The following CDH13 variants were observed in gnomAD, a reference collection of about 807,000 sequenced individuals.
The protein encoded by CDH13 is cadherin 13, also known as cadherin-13.
Under a neutral mutation model 63.8 loss-of-function variants are expected in CDH13, and 24 were observed. The ratio of observed to expected loss-of-function variants is 0.38; its 90% CI spans 0.27 to 0.53. The LOEUF (loss-of-function observed/expected upper bound fraction) is 0.53, where lower values mean the gene tolerates loss of function less well. Ranked by LOEUF, CDH13 falls within the 20% of genes least tolerant of loss-of-function variation. CDH13 has a pLI of 0.85. For synonymous variants in CDH13, 503 were observed against 355.3 expected (o/e 1.42, Z -4.67); for missense variants, 1,049 against 903.1 (o/e 1.16, Z -2.07).
At chr16:83,524,354 T>C (rs1159260349) in intron 7 of CDH13, among the ~76,000 whole-genome samples, 2 of 152,132 alleles carry the variant, frequency 1.3e-5, no homozygotes, top group Admixed American at 1.3e-4. Flanking sequence ...ATGGGTTCTT[T>C]ACAATTGTAG....
chr16:83,259,636 C>T lies in CDH13; in HGVS notation c.636+42139C>T, dbSNP rs557849469. 2.0e-5 allele frequency among the ~76,000 whole-genome samples: 3 copies of T among 152,270 alleles called. No individual in the cohort carries two copies. In the South Asian group the frequency reaches 6.2e-4, roughly 32 times the overall value. ...CAAAGTCAATAGAAGACTTCTCAGT[C>T]TCAAATTTTTTTTTATTTTATTATT... On this transcript the variant is annotated intron_variant, in intron 5 of 13. Coordinates refer to ENST00000567109, the MANE Select transcript of CDH13 (RefSeq NM_001257.5).
At chr16:83,471,521 G>T (rs138654770) in intron 6 of CDH13, among the ~76,000 whole-genome samples, 3 of 152,050 alleles carry the variant, frequency 2.0e-5, no homozygotes, top group Non-Finnish European at 2.9e-5. Context: ...TGATCCACCC[G>T]CCTCGGCCTC....
chr16:82,627,638 G>C (rs954884022), intron 1 of CDH13, among the ~76,000 whole-genome samples: 1 of 152,128 alleles, frequency 6.6e-6, no homozygotes, highest in Non-Finnish European at 1.5e-5. Context: ...ACTTCCCAGG[G>C]CGCCCGGGCC....
At chr16:83,726,549 C>G (rs1333216057) in intron 10 of CDH13, among the ~76,000 whole-genome samples, 2 of 152,174 alleles carry the variant, frequency 1.3e-5, no homozygotes, top group Non-Finnish European at 2.9e-5. Flanking sequence ...CAAAACATCA[C>G]TGTTGGCTGG....
chr16:83,529,649 T>C (rs1439331453), intron 7 of CDH13, among the ~76,000 whole-genome samples: 1 of 152,186 alleles, frequency 6.6e-6, no homozygotes, highest in African/African-American at 2.4e-5. Flanking sequence ...ACATGGATGA[T>C]CTGTACTACT....
chr16:82,874,403 C>G (rs1006362661), intron 2 of CDH13, among the ~76,000 whole-genome samples: 2 of 152,074 alleles, frequency 1.3e-5, no homozygotes, highest in Non-Finnish European at 2.9e-5. Context: ...CCCTCAACCC[C>G]TCTACTACTT....
At chr16:82,933,209 G>A (rs1289445281) in intron 2 of CDH13, among the ~76,000 whole-genome samples, 1 of 152,076 alleles carries the variant, frequency 6.6e-6, no homozygotes, top group African/African-American at 2.4e-5. Context: ...TTGATTCATG[G>A]TTTTGCATGG....
intron 3 of CDH13, among the ~76,000 whole-genome samples, chr16:83,098,429 T>C (rs1017110326): frequency 6.6e-6 from 1 of 152,208 alleles, no homozygotes; most frequent in Non-Finnish European, 1.5e-5. Context: ...TTTCCACATA[T>C]ACACCACTTT....
intron 7 of CDH13, among the ~76,000 whole-genome samples, chr16:83,492,170 T>C (rs562125396): frequency 9.3e-5 from 14 of 151,056 alleles, no homozygotes; most frequent in African/African-American, 3.2e-4. Context: ...TCTGTGAAAA[T>C]GATGATATCA....
intron 2 of CDH13, among the ~76,000 whole-genome samples, chr16:83,016,686 A>G (rs1914831517): frequency 6.6e-6 from 1 of 152,046 alleles, no homozygotes; most frequent in Non-Finnish European, 1.5e-5. Context: ...GCCCCTAAAC[A>G]CTACCCTGCC....
At chr16:82,996,676 A>G (rs1008074277) in intron 2 of CDH13, among the ~76,000 whole-genome samples, 1 of 152,188 alleles carries the variant, frequency 6.6e-6, no homozygotes, top group Non-Finnish European at 1.5e-5. Context: ...ATATTAGGAA[A>G]TTTATTTAGG....
intron 10 of CDH13, among the ~76,000 whole-genome samples, chr16:83,734,119 C>T (rs1911304021): frequency 6.6e-6 from 1 of 152,098 alleles, no homozygotes. Flanking sequence ...CACCAACAGC[C>T]CTTACCAAAA....
chr16:82,713,316 T>C (rs139607009), intron 1 of CDH13, among the ~76,000 whole-genome samples: 41 of 152,240 alleles, frequency 2.7e-4, no homozygotes, highest in Non-Finnish European at 5.4e-4. Flanking sequence ...CACTGGTATC[T>C]AAGAACCACT....
intron 6 of CDH13, among the ~76,000 whole-genome samples, chr16:83,428,688 G>A (rs922127328): frequency 6.6e-6 from 1 of 152,180 alleles, no homozygotes; most frequent in Non-Finnish European, 1.5e-5. Flanking sequence ...TAAGACAAGG[G>A]GATGGATGAG....
intron 10 of CDH13, among the ~76,000 whole-genome samples, chr16:83,744,437 A>T (rs191969421): frequency 6.6e-6 from 1 of 152,242 alleles, no homozygotes; most frequent in Non-Finnish European, 1.5e-5. Flanking sequence ...TGAGTAATTC[A>T]TCGCTTCTGT....
chr16:83,333,581 A>G (rs2090523125), intron 5 of CDH13, among the ~76,000 whole-genome samples: 1 of 152,206 alleles, frequency 6.6e-6, no homozygotes, highest in Non-Finnish European at 1.5e-5. Context: ...ACTCCCGCTA[A>G]GGTCTAACAA....
intron 5 of CDH13, among the ~76,000 whole-genome samples, chr16:83,317,262 A>G (rs1011800890): frequency 6.6e-6 from 1 of 152,194 alleles, no homozygotes; most frequent in Non-Finnish European, 1.5e-5. Flanking sequence ...AAGCCCACAT[A>G]AGGTAGGCAT....
intron 8 of CDH13, among the ~76,000 whole-genome samples, chr16:83,615,547 G>A (rs888492007): frequency 4.4e-4 from 67 of 152,094 alleles, no homozygotes; most frequent in African/African-American, 1.4e-3. Flanking sequence ...TCACATATCT[G>A]ACAGTTTTCA....
chr16:83,085,256 C>G (rs1229156059), intron 3 of CDH13, among the ~76,000 whole-genome samples: 1 of 151,908 alleles, frequency 6.6e-6, no homozygotes, highest in East Asian at 1.9e-4. Flanking sequence ...CCTGATAAAC[C>G]CATCAGATGT....
Sources: allele counts gnomAD v4.1 joint callset (sites outside exome capture counted in the v4.1 genomes callset), GRCh38; gene constraint gnomAD v4.1.1; transcripts MANE v1.5; gene names NCBI Gene and HGNC (gene_info 2026-07-23, HGNC 2026-07-21).